Variants in CREBL2 observed in about 807,000 individuals in gnomAD.
CREBL2 encodes the protein cAMP-responsive element-binding protein-like 2.
In CREBL2, 4 loss-of-function variants were observed where a neutral mutation model predicts 19.5. That is an observed-to-expected ratio of 0.20 (90% confidence interval 0.10 to 0.47). The LOEUF is 0.47. Among genes scored for constraint, CREBL2 ranks in the 20% least tolerant of loss-of-function variants. The pLI, the probability that CREBL2 is intolerant of heterozygous loss-of-function variation, is 0.98. For missense variants in CREBL2, 85 were observed against 145.1 expected, an observed-to-expected ratio of 0.59 and a Z score of 2.13; for synonymous variants, 42 against 46.6, an observed-to-expected ratio of 0.90 and a Z score of 0.40.
chr12:12,628,740 G>A (rs538933439), intron 1 of CREBL2, among the ~76,000 whole-genome samples: 8 of 152,236 alleles, frequency 5.3e-5, no homozygotes, highest in Admixed American at 3.3e-4. Flanking sequence ...GCCTCCCAAA[G>A]TGCTGGGATT....
rs115945738 is a variant in CREBL2 at position 12,627,253 on chromosome 12, A to T, written c.16-8524A>T. On this transcript the variant is annotated intron_variant, in intron 1 of 3. Transcript: ENST00000228865. Reference sequence around the variant, plus strand: ...CACACTAATGAAAGATGTTAATAATAAGGGAAACTGTGAGAGTGGAGAGGG... The same window carrying T: ...CACACTAATGAAAGATGTTAATAATTAGGGAAACTGTGAGAGTGGAGAGGG... 3.2e-3 allele frequency among the ~76,000 whole-genome samples: 487 copies of T among 152,330 alleles called. 3 individuals are homozygous for T. The highest frequency in any genetic ancestry group is 0.011 in the African/African-American group (471 of 41,584).
chr12:12,632,027 A>G (rs1258097212), intron 1 of CREBL2, among the ~76,000 whole-genome samples: 1 of 151,172 alleles, frequency 6.6e-6, no homozygotes, highest in African/African-American at 2.4e-5. Flanking sequence ...ATAGGAAATG[A>G]CATAAAATAC....
chr12:12,642,736 C>T lies in CREBL2; in HGVS notation c.*738C>T, dbSNP rs1185906166. ...TATAAAAATTTGCTAGGGCCAAATC[C>T]ATACTTGCAGAATAATTCATCAAAT... On this transcript the variant is annotated 3_prime_UTR_variant, in exon 4 of 4. Transcript: ENST00000228865. 1 of 152,202 alleles carries T rather than the reference C, an allele frequency of 6.6e-6. No individual in the cohort carries two copies. The highest frequency in any genetic ancestry group is 2.4e-5 in the African/African-American group (1 of 41,446). 9.4% of individuals were successfully genotyped at this position (152,202 alleles called of 1,614,324 possible).
Position 12,611,987 on chromosome 12 carries a change from C to T in CREBL2, c.-186C>T, listed in dbSNP as rs1945270194. On this transcript the variant is annotated 5_prime_UTR_variant, in exon 1 of 4. Coordinates refer to ENST00000228865, the MANE Select transcript of CREBL2 (RefSeq NM_001310.4). ...TTTGGGGCCGCCTCCAGGGTCCGCTCTGCCATTCCTGAACTGGTCCCTCGT... is the reference window on the plus strand; with the variant it reads ...TTTGGGGCCGCCTCCAGGGTCCGCTTTGCCATTCCTGAACTGGTCCCTCGT... 4.5e-6 allele frequency: 3 copies of T among 670,396 alleles called. No individual in the cohort carries two copies. The highest frequency in any genetic ancestry group is 1.9e-5 in the South Asian group (1 of 51,978). The allele number at this position is 670,396 out of a possible 1,614,324, so 41.5% of individuals were successfully genotyped here.
At chr12:12,631,348 T>C (rs944203773) in intron 1 of CREBL2, among the ~76,000 whole-genome samples, 1 of 152,152 alleles carries the variant, frequency 6.6e-6, no homozygotes, top group Non-Finnish European at 1.5e-5. Flanking sequence ...GAAAAAGACA[T>C]AAAATGGATA....
intron 1 of CREBL2, among the ~76,000 whole-genome samples, chr12:12,622,387 G>A (rs1001667317): frequency 2.0e-5 from 3 of 152,192 alleles, no homozygotes; most frequent in Admixed American, 2.0e-4. Context: ...ACTCTAAAGT[G>A]ATCAGAAGAT....
chr12:12,629,799 A>T (rs1592240593), intron 1 of CREBL2, among the ~76,000 whole-genome samples: 1 of 151,934 alleles, frequency 6.6e-6, no homozygotes, highest in Non-Finnish European at 1.5e-5. Context: ...TAGGTTATTG[A>T]GTGTTTTTAT....
intron 1 of CREBL2, among the ~76,000 whole-genome samples, chr12:12,622,856 C>T (rs915171826): frequency 2.0e-5 from 3 of 152,138 alleles, no homozygotes; most frequent in African/African-American, 7.2e-5. Context: ...GATAACTTTT[C>T]TCTTTATGTT....
Position 12,612,095 on chromosome 12 carries a change from C to T in CREBL2, c.-78C>T, listed in dbSNP as rs551188753. 3.9e-4 allele frequency: 605 copies of T among 1,561,480 alleles called. 1 individual carries two copies. The African/African-American group carries it at 5.7e-3, about 15-fold the overall frequency. The stretch of plus-strand genomic sequence containing the variant: ...AACCATATCCCCTTCTTCCTCGGGG[C>T]GGGGGCCGGGCCAGGCCGGCTGAGC... On this transcript the variant is annotated 5_prime_UTR_variant, in exon 1 of 4. Coordinates refer to ENST00000228865, the MANE Select transcript of CREBL2 (RefSeq NM_001310.4).
intron 3 of CREBL2, among the ~76,000 whole-genome samples, chr12:12,641,663 T>C (rs1945523297): frequency 2.0e-5 from 3 of 152,274 alleles, no homozygotes; most frequent in Admixed American, 2.0e-4. Flanking sequence ...AAATCGGCTT[T>C]TTGATAACTT....
intron 1 of CREBL2, among the ~76,000 whole-genome samples, chr12:12,621,580 G>A (rs1468978888): frequency 3.3e-5 from 5 of 151,774 alleles, no homozygotes; most frequent in Non-Finnish European, 5.9e-5. Flanking sequence ...CCAGCAGGGC[G>A]GTGATATATT....
At chr12:12,627,769 T>C (rs1407528046) in intron 1 of CREBL2, among the ~76,000 whole-genome samples, 4 of 152,240 alleles carry the variant, frequency 2.6e-5, no homozygotes, top group Non-Finnish European at 5.9e-5. Flanking sequence ...TTATAAACTT[T>C]ATGTTTAACT....
Position 12,612,391 on chromosome 12 carries a change from C to G in CREBL2, c.15+204C>G, listed in dbSNP as rs964774150. Among the ~76,000 whole-genome samples the G allele has an allele frequency of 4.6e-5, 7 of 152,204 alleles. No individual in the cohort carries two copies. In the East Asian group the frequency reaches 1.3e-3, roughly 29 times the overall value. On this transcript the variant is annotated intron_variant, in intron 1 of 3. Coordinates refer to ENST00000228865, the MANE Select transcript of CREBL2 (RefSeq NM_001310.4). ...TGCGTTTTTCCAGGAAGGGCCCTCT[C>G]TGGAAATTTTTCACTCCCAGGGCGT...
chr12:12,633,635 A>G (rs762371180), intron 1 of CREBL2, among the ~76,000 whole-genome samples: 3 of 148,774 alleles, frequency 2.0e-5, no homozygotes, highest in Non-Finnish European at 4.5e-5. Context: ...CAAAAATGCT[A>G]GATACAATGG....
intron 3 of CREBL2, among the ~76,000 whole-genome samples, chr12:12,638,350 T>C (rs752909600): frequency 2.0e-5 from 3 of 152,122 alleles, no homozygotes; most frequent in Non-Finnish European, 4.4e-5. Flanking sequence ...AGCACAAGAA[T>C]TGCTTTAACC....
At chr12:12,641,905 GA>G (rs928166557) in intron 3 of CREBL2, 88 bp from the exon 4 acceptor site, 992 of 797,992 alleles carry the variant, frequency 1.2e-3, no homozygotes, top group South Asian at 2.7e-3. Context: ...ATACTAAACT[GA>G]AAAAAAAAAT....
intron 1 of CREBL2, among the ~76,000 whole-genome samples, chr12:12,635,358 G>C (rs927245062): frequency 4.1e-5 from 6 of 145,080 alleles, no homozygotes; most frequent in Non-Finnish European, 7.5e-5. Context: ...GACAGAGTGA[G>C]ACCCTGTCTG....
At chr12:12,612,218 C>T (rs1314281164) in intron 1 of CREBL2, 31 bp downstream of exon 1, 7 of 1,613,418 alleles carry the variant, frequency 4.3e-6, no homozygotes, top group Non-Finnish European at 5.9e-6. Context: ...GCGCCGCCGC[C>T]TTCTTGTCGC....
intron 2 of CREBL2, among the ~76,000 whole-genome samples, chr12:12,636,548 T>C (rs1945477100): frequency 6.6e-6 from 1 of 152,128 alleles, no homozygotes; most frequent in South Asian, 2.1e-4. Context: ...GCCTCCTGAG[T>C]AGCTGGGACT....
Sources: allele counts gnomAD v4.1 joint callset (sites outside exome capture counted in the v4.1 genomes callset), GRCh38; gene constraint gnomAD v4.1.1; transcripts MANE v1.5; gene names NCBI Gene and HGNC (gene_info 2026-07-23, HGNC 2026-07-21).